ALMS1: variants seen among roughly 807,000 people sequenced by gnomAD.
The protein encoded by ALMS1 is ALMS1 centrosome and basal body associated protein.
In ALMS1, 271 loss-of-function variants were observed where a neutral mutation model predicts 352.2. The observed-to-expected ratio is 0.77, with a 90% CI of 0.70 to 0.85. The LOEUF (loss-of-function observed/expected upper bound fraction) is 0.85, where lower values mean the gene tolerates loss of function less well. ALMS1 is among the 40% of genes least tolerant of loss of function. The pLI is 0.00. For synonymous variants in ALMS1, 1,865 were observed against 1,761.2 expected (o/e 1.06, Z -1.48); for missense variants, 5,445 against 4,870.7 (o/e 1.12, Z -3.51).
At chr2:73,481,067 G>A (rs1386302640) in intron 9 of ALMS1, among the ~76,000 whole-genome samples, 30 of 151,686 alleles carry the variant, frequency 2.0e-4, no homozygotes, top group East Asian at 9.7e-4. Context: ...CTGTGCAGAA[G>A]CTCTTTAGTT....
intron 9 of ALMS1, among the ~76,000 whole-genome samples, chr2:73,469,184 G>A (rs1284518953): frequency 2.6e-5 from 4 of 151,330 alleles, no homozygotes; most frequent in Admixed American, 1.3e-4. Flanking sequence ...AACTCAACAA[G>A]TTTAGAAAAA....
intron 16 of ALMS1, among the ~76,000 whole-genome samples, chr2:73,594,769 C>G (rs1350282178): frequency 6.6e-6 from 1 of 152,202 alleles, no homozygotes; most frequent in East Asian, 1.9e-4. Context: ...GCCTCTCGGA[C>G]CCCCACCTCC....
At chr2:73,408,535 A>T (rs1343885005) in intron 1 of ALMS1, 87 bp from the exon 2 acceptor site, 1 of 1,426,958 alleles carries the variant, frequency 7.0e-7, no homozygotes, top group Non-Finnish European at 9.7e-7. Flanking sequence ...ATAAACTGGG[A>T]AGTATGGTCT....
intron 1 of ALMS1, among the ~76,000 whole-genome samples, chr2:73,391,358 A>G (rs149945705): frequency 0.016 from 2,303 of 142,304 alleles, 61 homozygotes; most frequent in African/African-American, 0.061. Flanking sequence ...CAGTGGCGCA[A>G]TCTCGGCTCA....
intron 12 of ALMS1, among the ~76,000 whole-genome samples, chr2:73,544,681 T>C (rs1392012672): frequency 1.3e-5 from 2 of 152,192 alleles, no homozygotes; most frequent in African/African-American, 2.4e-5. Flanking sequence ...AATTATAGTA[T>C]GATCCAGTAA....
At chr2:73,559,293 T>C (rs1296141404) in intron 15 of ALMS1, 151 bp downstream of exon 15, 29 of 859,100 alleles carry the variant, frequency 3.4e-5, no homozygotes, top group Non-Finnish European at 5.2e-5. Context: ...TGTAAAGTAC[T>C]TTGATGCTAC....
chr2:73,585,508 C>A (rs1573041116), intron 16 of ALMS1, among the ~76,000 whole-genome samples: 1 of 151,660 alleles, frequency 6.6e-6, no homozygotes, highest in Admixed American at 6.6e-5. Context: ...ATTCTTCTGC[C>A]TCAGCCTCCC....
intron 10 of ALMS1, among the ~76,000 whole-genome samples, chr2:73,517,471 C>T (rs1027914844): frequency 1.3e-5 from 2 of 151,732 alleles, no homozygotes; most frequent in African/African-American, 4.8e-5. Context: ...TGACCTCTAA[C>T]TCCTTGGCTC....
chr2:73,491,928 C>T (rs1672998270), intron 10 of ALMS1, among the ~76,000 whole-genome samples: 1 of 152,134 alleles, frequency 6.6e-6, no homozygotes, highest in Non-Finnish European at 1.5e-5. Flanking sequence ...TTCATGACTT[C>T]CCTCAAATAT....
At chr2:73,566,252 C>T (rs1162142480) in intron 15 of ALMS1, among the ~76,000 whole-genome samples, 1 of 152,194 alleles carries the variant, frequency 6.6e-6, no homozygotes, top group Admixed American at 6.5e-5. Context: ...AAACACTTTA[C>T]AGCTTCTCTT....
Position 73,572,436 on chromosome 2 carries a change from A to G in ALMS1, c.10559A>G (p.Asp3520Gly), listed in dbSNP as rs2104104195. 6.2e-7 allele frequency: 1 copy of G among 1,613,828 alleles called. No individual in the cohort carries two copies. The highest frequency in any genetic ancestry group is 8.5e-7 in the Non-Finnish European group (1 of 1,179,960). The change falls in exon 16 of 23, where the codon GAC becomes GGC. Residue 3520 changes from aspartate to glycine, a missense_variant. Physicochemically the swap from Asp to Gly is moderately conservative, Grantham distance 94. Transcript: ENST00000613296. ...SWKDFFQHHP[D>G]KHREHMCLPL... ...AAAGATTTCTTTCAGCATCATCCAG[A>G]CAAACATAGAGAACACATGTGTCTT...
At chr2:73,530,587 A>G (rs1673887712) in intron 11 of ALMS1, among the ~76,000 whole-genome samples, 1 of 152,220 alleles carries the variant, frequency 6.6e-6, no homozygotes, top group Non-Finnish European at 1.5e-5. Context: ...TCTGAGGTCT[A>G]GAGGATGGTG....
chr2:73,476,097 T>G (rs199981343), intron 9 of ALMS1, among the ~76,000 whole-genome samples: 2 of 152,094 alleles, frequency 1.3e-5, no homozygotes, highest in Non-Finnish European at 2.9e-5. Context: ...ACTTTCTGTC[T>G]CTATGAATTT....
At chr2:73,440,909 G>T (rs140777877) in intron 7 of ALMS1, among the ~76,000 whole-genome samples, 2,079 of 152,286 alleles carry the variant, frequency 0.014, 103 homozygotes, top group Admixed American at 0.081. Flanking sequence ...ATGTGGCTGT[G>T]ATCCCAAAGA....
Position 73,452,382 on chromosome 2 carries a change from A to G in ALMS1, c.5855A>G (p.Gln1952Arg). 6.2e-7 allele frequency: 1 copy of G among 1,614,012 alleles called. No homozygotes were observed. Among genetic ancestry groups the G allele is most frequent in the Admixed American group, 1.7e-5 (1 of 59,982 alleles). Residue 1952 changes from glutamine to arginine, a missense_variant, in exon 8 of 23, where the codon CAA becomes CGA. Gln to Arg is a conservative substitution (Grantham distance 43). Transcript: ENST00000613296. The stretch of plus-strand genomic sequence containing the variant: ...AGAGAGAAGCCCAGTGTTATCTCTC[A>G]ACAGGAGTTGCCAGACAGTCATCTC... ...SRREKPSVIS[Q>R]QELPDSHLTE...
At position 73,572,362 on chromosome 2, in the gene ALMS1, T is replaced by G. The variant is rs776784912; in HGVS notation, c.10485T>G (p.Asp3495Glu). ...CCGTACACCTACCAAGTGATCAAGA[T>G]ATTTGCCATGAATCTTTGGGAAAGA... ...HHPVHLPSDQ[D>E]ICHESLGKSV... The change falls in exon 16 of 23, where the codon GAT becomes GAG. Residue 3495 changes from aspartate (D) to glutamate (E), a missense_variant. Transcript: ENST00000613296. 1 of 1,609,408 alleles carries G rather than the reference T, an allele frequency of 6.2e-7. No individual in the cohort carries two copies. Among genetic ancestry groups the G allele is most frequent in the Admixed American group, 1.7e-5 (1 of 59,390 alleles).
At position 73,573,358 on chromosome 2, in the gene ALMS1, C is replaced by T. The variant is rs549156484; in HGVS notation, c.11481C>T (p.Ser3827=). The change falls in exon 16 of 23, where the codon AGC becomes AGT. Residue 3827 remains serine, a synonymous_variant. Coordinates refer to ENST00000613296, the MANE Select transcript of ALMS1 (RefSeq NM_001378454.1). Reference sequence around the variant, plus strand: ...ACCTTGAGAAGCGGAGCAAACACAGCAAGAAAGTGCTGAATACAGGTCATC... The same window carrying T: ...ACCTTGAGAAGCGGAGCAAACACAGTAAGAAAGTGCTGAATACAGGTCATC... ...RRYLEKRSKH[S]KKVLNTGHPL... is the part of the protein sequence containing the mutation. 2 of 1,613,950 alleles carry T rather than the reference C, an allele frequency of 1.2e-6. No individual in the cohort carries two copies. The highest frequency in any genetic ancestry group is 1.3e-5 in the African/African-American group (1 of 74,924).
intron 1 of ALMS1, among the ~76,000 whole-genome samples, chr2:73,391,258 A>C (rs1247965056): frequency 4.8e-5 from 7 of 145,958 alleles, no homozygotes; most frequent in Non-Finnish European, 9.0e-5. Flanking sequence ...TACAGTGCAC[A>C]ATTTATTTTT....
chr2:73,545,744 TAAGC>T (rs762572304), intron 12 of ALMS1, among the ~76,000 whole-genome samples: 11 of 152,342 alleles, frequency 7.2e-5, no homozygotes, highest in Non-Finnish European at 1.2e-4. Flanking sequence ...GTATTTAACT[TAAGC>T]AAGTTCAAAT....
Sources: gnomAD v4.1 joint callset for allele counts (sites outside exome capture counted in the v4.1 genomes callset) on GRCh38, gnomAD v4.1.1 for gene constraint, MANE v1.5 for transcripts, NCBI Gene and HGNC (gene_info 2026-07-23, HGNC 2026-07-21) for gene names.